CCDC13: variants seen among roughly 807,000 people sequenced by gnomAD.
CCDC13 encodes the protein coiled-coil domain-containing protein 13.
CCDC13 carries 70 observed loss-of-function variants against 87.3 expected under a neutral mutation model. The ratio of observed to expected loss-of-function variants is 0.80; its 90% CI spans 0.66 to 0.98. The LOEUF (loss-of-function observed/expected upper bound fraction) is 0.98, where lower values mean the gene tolerates loss of function less well. Among genes scored for constraint, CCDC13 ranks in the 50% least tolerant of loss-of-function variants. The pLI, the probability that CCDC13 is intolerant of heterozygous loss-of-function variation, is 0.00. For synonymous variants in CCDC13, 317 were observed against 360.3 expected, an observed-to-expected ratio of 0.88 and a Z score of 1.36; for missense variants, 842 against 892.0, an observed-to-expected ratio of 0.94 and a Z score of 0.71.
chr3:42,757,968 T>A (rs975541689), intron 2 of CCDC13, among the ~76,000 whole-genome samples, 157 bp downstream of exon 2: 6 of 152,162 alleles, frequency 3.9e-5, no homozygotes, highest in African/African-American at 1.4e-4. Flanking sequence ...ACAGAAGCTG[T>A]ATCAAAACTT....
chr3:42,770,619 C>G (rs1008855568), intron 1 of CCDC13: 1 of 152,326 alleles, frequency 6.6e-6, no homozygotes, highest in Non-Finnish European at 1.5e-5. Flanking sequence ...CTGAGGTCCC[C>G]TTCCACACTG....
intron 13 of CCDC13, among the ~76,000 whole-genome samples, chr3:42,717,374 C>T (rs908915583): frequency 1.4e-5 from 2 of 146,394 alleles, no homozygotes; most frequent in Non-Finnish European, 3.0e-5. Context: ...TGCAGTGAGC[C>T]GAGATCATGC....
chr3:42,742,751 T>A (rs960601849), intron 8 of CCDC13, 145 bp downstream of exon 8: 9 of 951,814 alleles, frequency 9.5e-6, no homozygotes, highest in Non-Finnish European at 1.4e-5. Context: ...ATGAGGAACA[T>A]GCAGAGGTGA....
At chr3:42,713,102 C>A (rs1019681610) in intron 14 of CCDC13, 60 bp downstream of exon 14, 5 of 1,574,418 alleles carry the variant, frequency 3.2e-6, no homozygotes, top group Non-Finnish European at 4.3e-6. Context: ...TGCCTGGCTC[C>A]TCTGTTAGCA....
At chr3:42,745,756 G>C in intron 7 of CCDC13, 167 bp downstream of exon 7, 1 of 514,846 alleles carries the variant, frequency 1.9e-6, no homozygotes, top group South Asian at 3.6e-5. Flanking sequence ...TTAAAATCAG[G>C]CTGGTTGGCG....
chr3:42,770,782 C>T (rs1243716065), intron 1 of CCDC13: 3 of 152,920 alleles, frequency 2.0e-5, no homozygotes, highest in Non-Finnish European at 2.9e-5. Flanking sequence ...GAGGAATGAA[C>T]AACTCCAGAC....
intron 3 of CCDC13, among the ~76,000 whole-genome samples, chr3:42,756,660 C>T (rs1251463176): frequency 6.6e-6 from 1 of 151,824 alleles, no homozygotes; most frequent in Non-Finnish European, 1.5e-5. Context: ...TAGCTCACTG[C>T]AGGCTGCTGG....
chr3:42,756,534 C>A (rs187047361), intron 3 of CCDC13, among the ~76,000 whole-genome samples: 11 of 151,928 alleles, frequency 7.2e-5, no homozygotes, highest in African/African-American at 2.7e-4. Flanking sequence ...ACTCATCTAC[C>A]TTTCTGGAGC....
chr3:42,759,342 A>G (rs1699781241), intron 1 of CCDC13, among the ~76,000 whole-genome samples: 3 of 152,084 alleles, frequency 2.0e-5, no homozygotes, highest in African/African-American at 4.8e-5. Context: ...ATGTGTACAA[A>G]TGAGTTTTGA....
At chr3:42,768,940 C>T (rs1185537646) in intron 1 of CCDC13, among the ~76,000 whole-genome samples, 1 of 152,068 alleles carries the variant, frequency 6.6e-6, no homozygotes, top group African/African-American at 2.4e-5. Context: ...GAGTTCCAGA[C>T]CAGTCTGGCC....
intron 13 of CCDC13, among the ~76,000 whole-genome samples, chr3:42,715,296 C>A (rs1253396650): frequency 2.2e-5 from 3 of 135,002 alleles, no homozygotes; most frequent in East Asian, 4.4e-4. Flanking sequence ...GCAACAGGAG[C>A]GAAACTCTGT....
At chr3:42,754,254 C>T (rs548812357) in intron 3 of CCDC13, among the ~76,000 whole-genome samples, 1 of 152,222 alleles carries the variant, frequency 6.6e-6, no homozygotes, top group South Asian at 2.1e-4. Context: ...CCAGCCTGGG[C>T]GAGGCAGTGA....
intron 1 of CCDC13, among the ~76,000 whole-genome samples, chr3:42,763,518 T>G (rs1442328191): frequency 6.6e-6 from 1 of 151,484 alleles, no homozygotes; most frequent in Admixed American, 6.6e-5. Flanking sequence ...TTTTTTTTTT[T>G]TTTTTAGATG....
intron 13 of CCDC13, chr3:42,717,885 G>C (rs116659883): frequency 6.6e-6 from 1 of 152,190 alleles, no homozygotes; most frequent in Non-Finnish European, 1.5e-5. Context: ...TAATGACTTG[G>C]TTGGTTGTCA....
At position 42,735,710 on chromosome 3, in the gene CCDC13, C is replaced by T. The variant is rs760992984; in HGVS notation, c.1368G>A (p.Val456=). ...GCGCTGCCAGTGCCCTACTCACGTG[C>T]ACATTGAGTTGTCCGATCTCCATCT... The part of the protein sequence containing the change: ...QLEMEIGQLN[V]HYLRNKGVGE... Residue 456 remains valine, a synonymous_variant, in exon 10 of 16, where the codon GTG becomes GTA. Transcript: ENST00000310232. 33 of 1,613,898 alleles carry T rather than the reference C, an allele frequency of 2.0e-5. No homozygotes were observed. The highest frequency in any genetic ancestry group is 2.5e-5 in the Non-Finnish European group (30 of 1,179,920).
At chr3:42,752,103 T>C in intron 4 of CCDC13, 78 bp from the exon 5 acceptor site, 2 of 1,257,618 alleles carry the variant, frequency 1.6e-6, no homozygotes, top group Non-Finnish European at 2.3e-6. Context: ...TGCCATTGTG[T>C]GTGTGGTTAC....
chr3:42,751,964 G>C lies in CCDC13; in HGVS notation c.575C>G (p.Pro192Arg), dbSNP rs200384515. ...KGATDAGAKP[P>R]RAQMGDRALL... The stretch of plus-strand genomic sequence containing the variant: ...TGCTCTGTCTCCCATCTGGGCCCTC[G>C]GTGGCTTGGCTCCTGCGTCGGTGGC... The change falls in exon 5 of 16, where the codon CCG (proline) becomes CGG (arginine). Residue 192 changes from proline to arginine, a missense_variant. By Grantham distance (103) the Pro-to-Arg change is moderately radical. Transcript: ENST00000310232. 14 of 1,611,650 alleles carry C rather than the reference G, an allele frequency of 8.7e-6. No individual in the cohort carries two copies. The highest frequency in any genetic ancestry group is 1.1e-5 in the Non-Finnish European group (13 of 1,180,024).
intron 7 of CCDC13, among the ~76,000 whole-genome samples, chr3:42,743,592 T>TAG (rs1699295099): frequency 1.6e-5 from 2 of 126,712 alleles, no homozygotes; most frequent in African/African-American, 3.1e-5. Flanking sequence ...TAATTTTATA[T>TAG]ATATATATAC....
intron 13 of CCDC13, among the ~76,000 whole-genome samples, chr3:42,724,923 C>T (rs1698655132): frequency 6.6e-6 from 1 of 151,154 alleles, no homozygotes; most frequent in Admixed American, 6.6e-5. Flanking sequence ...GACAAACATA[C>T]ATAATATTAC....
Sources: gnomAD v4.1 joint callset for allele counts (sites outside exome capture counted in the v4.1 genomes callset) on GRCh38, gnomAD v4.1.1 for gene constraint, MANE v1.5 for transcripts, NCBI Gene and HGNC (gene_info 2026-07-23, HGNC 2026-07-21) for gene names.